The following ZNF141 variants were observed in gnomAD, a reference collection of about 807,000 sequenced individuals.
ZNF141 encodes zinc finger protein 141, also known as zinc finger protein 141 (clone pHZ-44).
ZNF141 carries 7 observed loss-of-function variants against 11.3 expected under a neutral mutation model. The observed-to-expected ratio is 0.62, with a 90% CI of 0.35 to 1.16. The LOEUF (loss-of-function observed/expected upper bound fraction) is 1.16, where lower values mean the gene tolerates loss of function less well. ZNF141 is among the 50% of genes most tolerant of loss of function. The pLI, the probability that ZNF141 is intolerant of heterozygous loss-of-function variation, is 0.02. For synonymous variants in ZNF141, 183 were observed against 190.7 expected (o/e 0.96, Z 0.33); for missense variants, 535 against 554.0 (o/e 0.97, Z 0.34).
chr4:379,802 A>C lies in ZNF141; in HGVS notation c.*5940A>C, dbSNP rs1390276613. 6.6e-6 allele frequency among the ~76,000 whole-genome samples: 1 copy of C among 152,258 alleles called. No individual in the cohort carries two copies. The highest frequency in any genetic ancestry group is 1.5e-5 in the Non-Finnish European group (1 of 68,034). On this transcript the variant is annotated 3_prime_UTR_variant, in exon 4 of 4. Coordinates refer to ENST00000240499, the MANE Select transcript of ZNF141 (RefSeq NM_003441.4). ...TTTTAAAATATATTTGTTAATTGACAGATAAAATATCCTGTAGAATATGGT... is the reference window on the plus strand; with the variant it reads ...TTTTAAAATATATTTGTTAATTGACCGATAAAATATCCTGTAGAATATGGT...
rs782565943 is a variant in ZNF141 at position 373,600 on chromosome 4, T to C, written c.1163T>C (p.Ile388Thr). The C allele has an allele frequency of 1.9e-6, 3 of 1,614,020 alleles. No homozygotes were observed. Among genetic ancestry groups the C allele is most frequent in the Non-Finnish European group, 2.5e-6 (3 of 1,179,994 alleles). ...AGGGTCCTGAATGAACATAAAAAAATTCATACTGGAGAGAAACCCTACAAA... is the reference window on the plus strand; with the variant it reads ...AGGGTCCTGAATGAACATAAAAAAACTCATACTGGAGAGAAACCCTACAAA... The part of the protein sequence containing the change: ...RSRVLNEHKK[I>T]HTGEKPYKCE... The change falls in exon 4 of 4, where the codon ATT becomes ACT. Residue 388 changes from isoleucine (I) to threonine (T), a missense_variant. Physicochemically the swap from Ile to Thr is moderately conservative, Grantham distance 89 (BLOSUM62 -1). Transcript: ENST00000240499.
intron 3 of ZNF141, among the ~76,000 whole-genome samples, chr4:353,068 T>G (rs186637805): frequency 1.1e-3 from 161 of 152,180 alleles, no homozygotes; most frequent in Middle Eastern, 3.4e-3. Flanking sequence ...TCCATATATT[T>G]GGTGTTGGAA....
At position 337,857 on chromosome 4, in the gene ZNF141, A is replaced by T; in HGVS notation, c.-127A>T. 1 of 1,315,392 alleles carries T rather than the reference A, an allele frequency of 7.6e-7. No homozygotes were observed. Among genetic ancestry groups the T allele is most frequent in the Non-Finnish European group, 1.1e-6 (1 of 923,542 alleles). 81.5% of individuals were successfully genotyped at this position (1,315,392 alleles called of 1,614,324 possible). A position where few individuals can be genotyped will look rare whatever the true frequency, so the allele number is the denominator to read the frequency against. The stretch of plus-strand genomic sequence containing the variant: ...TACCAGACCGCGGGTTAGGGGCTTC[A>T]TCTCTCTGCGTTCTCAGTTGTGGGA... On this transcript the variant is annotated 5_prime_UTR_variant, in exon 1 of 4. Coordinates refer to ENST00000240499, the MANE Select transcript of ZNF141 (RefSeq NM_003441.4).
At chr4:347,294 C>T (rs1721376864) in intron 3 of ZNF141, among the ~76,000 whole-genome samples, 1 of 151,170 alleles carries the variant, frequency 6.6e-6, no homozygotes, top group Non-Finnish European at 1.5e-5. Flanking sequence ...GTCTCAGCCT[C>T]CCAAAGTGCT....
At chr4:350,386 T>C (rs1553850257) in intron 3 of ZNF141, 1 of 342,450 alleles carries the variant, frequency 2.9e-6, no homozygotes, top group Non-Finnish European at 6.0e-6. Flanking sequence ...GTCACTTTGT[T>C]AGCGTCTTAT....
chr4:338,672 A>G (rs989691989), intron 1 of ZNF141: 4 of 153,172 alleles, frequency 2.6e-5, no homozygotes, highest in Non-Finnish European at 5.8e-5. Flanking sequence ...TGGTTTGTAG[A>G]CAGGTGTTCA....
At chr4:356,281 C>T (rs1259335116) in intron 3 of ZNF141, among the ~76,000 whole-genome samples, 1 of 151,418 alleles carries the variant, frequency 6.6e-6, no homozygotes, top group Non-Finnish European at 1.5e-5. Context: ...AAAAGTAGAG[C>T]CCTCATGACC....
intron 3 of ZNF141, among the ~76,000 whole-genome samples, chr4:359,730 T>C (rs1277418559): frequency 6.6e-6 from 1 of 152,178 alleles, no homozygotes; most frequent in Non-Finnish European, 1.5e-5. Context: ...TCCTGGATTT[T>C]GGTTGCATGG....
chr4:347,072 T>C (rs1468035233), intron 3 of ZNF141, among the ~76,000 whole-genome samples: 1 of 149,730 alleles, frequency 6.7e-6, no homozygotes, highest in African/African-American at 2.5e-5. Context: ...AGTTTCACTC[T>C]TGTTGCCCAG....
chr4:363,811 G>A (rs1056715256), intron 3 of ZNF141, among the ~76,000 whole-genome samples: 2 of 150,890 alleles, frequency 1.3e-5, no homozygotes, highest in Non-Finnish European at 2.9e-5. Flanking sequence ...CATTTAGTAT[G>A]ATATTGGCTG....
rs181975263 is a variant in ZNF141 at position 373,492 on chromosome 4, C to T, written c.1055C>T (p.Ser352Leu). ...TGTGGCAAAGCTTTTAGACAGTCCT[C>T]AAAACTGAATGAACATAAGAAAGTT... ...EECGKAFRQS[S>L]KLNEHKKVHT... Residue 352 changes from serine to leucine, a missense_variant, in exon 4 of 4, where the codon TCA (serine) becomes TTA (leucine). Physicochemically the swap from Ser to Leu is moderately radical, Grantham distance 145 (BLOSUM62 -2). Transcript: ENST00000240499. 12 of 1,613,992 alleles carry T rather than the reference C, an allele frequency of 7.4e-6. No homozygotes were observed. In the African/African-American group the frequency reaches 1.6e-4, roughly 22 times the overall value.
rs1474383947 is a variant in ZNF141, at chr4:376,759, CA to C, written c.*2900del. On this transcript the variant is annotated 3_prime_UTR_variant, in exon 4 of 4. Coordinates refer to ENST00000240499, the MANE Select transcript of ZNF141 (RefSeq NM_003441.4). ...TCCAAAGAAAATAGCAATATTAGAA[CA>C]AAGAAGATTATGTTAATACCATGGA... is the stretch of plus-strand genomic sequence containing the variant. Among the ~76,000 whole-genome samples the C allele has an allele frequency of 1.3e-5, 2 of 151,998 alleles. No individual in the cohort carries two copies. The highest frequency in any genetic ancestry group is 4.8e-5 in the African/African-American group (2 of 41,426).
rs1553855288 is a variant in ZNF141, at chr4:380,100, G to A, written c.*6238G>A. On this transcript the variant is annotated 3_prime_UTR_variant, in exon 4 of 4. Transcript: ENST00000240499. Reference sequence around the variant, plus strand: ...TCTGGTAACCAGCATTCTACTCTCTGGCTTATTTCACTTAGCATAGTGTCT... The same window carrying A: ...TCTGGTAACCAGCATTCTACTCTCTAGCTTATTTCACTTAGCATAGTGTCT... 6.6e-6 allele frequency among the ~76,000 whole-genome samples: 1 copy of A among 152,064 alleles called. No homozygotes were observed. Among genetic ancestry groups the A allele is most frequent in the African/African-American group, 2.4e-5 (1 of 41,396 alleles).
Position 374,436 on chromosome 4 carries a change from T to G in ZNF141, c.*574T>G. 2.9e-6 allele frequency: 1 copy of G among 347,864 alleles called. No homozygotes were observed. The highest frequency in any genetic ancestry group is 2.5e-5 in the South Asian group (1 of 39,470). 21.5% of individuals were successfully genotyped at this position (347,864 alleles called of 1,614,324 possible). On this transcript the variant is annotated 3_prime_UTR_variant, in exon 4 of 4. Coordinates refer to ENST00000240499, the MANE Select transcript of ZNF141 (RefSeq NM_003441.4). ...AAACTTTGTTAAACATAAGAGAATT[T>G]ATACCAGAGAGAAACCCTACACATG...
In ZNF141 at chr4:344,409, A is replaced by G. The variant is rs78575109; in HGVS notation, c.205A>G (p.Lys69Glu). The G allele has an allele frequency of 2.5e-6, 4 of 1,606,708 alleles. No homozygotes were observed. In the South Asian group the frequency reaches 4.4e-5, roughly 18 times the overall value. Reference protein sequence around the residue: ...RKEPYNVKIHKIVARPPAMCS... With the variant: ...RKEPYNVKIHEIVARPPAMCS... ...AGAGCCCTACAATGTGAAGATACAT[A>G]AGATCGTAGCCAGACCCCCAGGTAG... Residue 69 changes from lysine (K) to glutamate (E), a missense_variant, in exon 3 of 4, where the codon AAG becomes GAG. Lys to Glu is a moderately conservative substitution (Grantham distance 56, BLOSUM62 1). Coordinates refer to ENST00000240499, the MANE Select transcript of ZNF141 (RefSeq NM_003441.4).
In ZNF141 at chr4:383,224, A is replaced by G. The variant is rs781859902; in HGVS notation, c.*9362A>G. 3.5e-5 allele frequency: 24 copies of G among 689,928 alleles called. 1 individual carries two copies. Among genetic ancestry groups the G allele is most frequent in the South Asian group, 3.2e-4 (21 of 65,244 alleles). 42.7% of individuals were successfully genotyped at this position (689,928 alleles called of 1,614,324 possible). On this transcript the variant is annotated 3_prime_UTR_variant, in exon 4 of 4. Transcript: ENST00000240499. ...AGAGCCACCTAATTCACCAGCATCT[A>G]ACCACTCACACCTGAAGGAGCCAAA...
At chr4:343,613 T>C (rs1721165099) in intron 1 of ZNF141, among the ~76,000 whole-genome samples, 169 bp from the exon 2 acceptor site, 1 of 148,694 alleles carries the variant, frequency 6.7e-6, no homozygotes, top group Admixed American at 7.0e-5. Flanking sequence ...TAGTCCCAGC[T>C]ACTTGGGAGG....
rs1193082523 is a variant in ZNF141 at position 373,197 on chromosome 4, C to A, written c.760C>A (p.Pro254Thr). The A allele has an allele frequency of 1.2e-6, 2 of 1,613,940 alleles. No homozygotes were observed. Among genetic ancestry groups the A allele is most frequent in the South Asian group, 1.1e-5 (1 of 91,074 alleles). ...KHKIIHTGEKPYKCEECGKAF... is the reference protein window; with the variant it reads ...KHKIIHTGEKTYKCEECGKAF... ...TAAAATAATTCATACTGGAGAAAAA[C>A]CCTATAAATGTGAAGAATGTGGCAA... The change falls in exon 4 of 4, where the codon CCC becomes ACC. Residue 254 changes from proline to threonine, a missense_variant. Physicochemically the swap from Pro to Thr is conservative, Grantham distance 38. Coordinates refer to ENST00000240499, the MANE Select transcript of ZNF141 (RefSeq NM_003441.4).
intron 3 of ZNF141, among the ~76,000 whole-genome samples, chr4:351,581 A>G (rs143049494): frequency 1.0e-3 from 152 of 152,222 alleles, no homozygotes; most frequent in African/African-American, 3.4e-3. Context: ...GTGCCTTACA[A>G]TTTTCTTTCC....
Sources: gnomAD v4.1 joint callset for allele counts (sites outside exome capture counted in the v4.1 genomes callset) on GRCh38, gnomAD v4.1.1 for gene constraint, MANE v1.5 for transcripts, NCBI Gene and HGNC (gene_info 2026-07-23, HGNC 2026-07-21) for gene names.